The following PLXNA2 variants were observed in gnomAD, a reference collection of about 807,000 sequenced individuals.
PLXNA2 encodes the protein plexin A2, also known as plexin-A2.
A neutral mutation model predicts 193.5 loss-of-function variants in PLXNA2; 91 were observed. The ratio of observed to expected loss-of-function variants is 0.47; its 90% CI spans 0.40 to 0.56. PLXNA2 has a LOEUF of 0.56. Among genes scored for constraint, PLXNA2 ranks in the 20% least tolerant of loss-of-function variants. The pLI, the probability that PLXNA2 is intolerant of heterozygous loss-of-function variation, is 0.00. For synonymous variants in PLXNA2, 997 were observed against 1,027.3 expected (o/e 0.97, Z 0.56); for missense variants, 1,995 against 2,503.2 (o/e 0.80, Z 4.33).
chr1:208,203,422 A>G (rs1312070119), intron 3 of PLXNA2, among the ~76,000 whole-genome samples: 1 of 152,204 alleles, frequency 6.6e-6, no homozygotes. Flanking sequence ...CTCAGGTCCC[A>G]GGAGAGCCAC....
At chr1:208,165,675 T>C (rs1229403356) in intron 3 of PLXNA2, among the ~76,000 whole-genome samples, 1 of 152,182 alleles carries the variant, frequency 6.6e-6, no homozygotes, top group Non-Finnish European at 1.5e-5. Flanking sequence ...GGTCCAACCC[T>C]AAGCTGGTCT....
At chr1:208,158,208 TA>T (rs1294198562) in intron 3 of PLXNA2, among the ~76,000 whole-genome samples, 2 of 152,200 alleles carry the variant, frequency 1.3e-5, no homozygotes, top group African/African-American at 4.8e-5. Flanking sequence ...TGGTGGTCTC[TA>T]AACCTGTGTC....
chr1:208,084,223 G>A (rs1015508416), intron 10 of PLXNA2, among the ~76,000 whole-genome samples, 157 bp downstream of exon 10: 1 of 152,260 alleles, frequency 6.6e-6, no homozygotes, highest in Non-Finnish European at 1.5e-5. Flanking sequence ...CTCTGGCTGA[G>A]CGGCTGGGGT....
At chr1:208,139,318 C>T (rs910805577) in intron 4 of PLXNA2, among the ~76,000 whole-genome samples, 2 of 152,178 alleles carry the variant, frequency 1.3e-5, no homozygotes, top group Non-Finnish European at 1.5e-5. Context: ...AGGCCTAGAA[C>T]ACAGATCTCC....
chr1:208,057,539 C>T (rs1665470597), intron 13 of PLXNA2, among the ~76,000 whole-genome samples: 1 of 152,164 alleles, frequency 6.6e-6, no homozygotes, highest in Non-Finnish European at 1.5e-5. Flanking sequence ...TGTAGACAAC[C>T]ATAGGCAGTG....
intron 3 of PLXNA2, among the ~76,000 whole-genome samples, chr1:208,160,120 C>T (rs1207371069): frequency 6.6e-6 from 1 of 152,194 alleles, no homozygotes; most frequent in Non-Finnish European, 1.5e-5. Flanking sequence ...TGAAACCCAA[C>T]CCGTCTCTCC....
intron 9 of PLXNA2, among the ~76,000 whole-genome samples, chr1:208,091,557 G>T (rs182851010): frequency 1.3e-5 from 2 of 152,270 alleles, no homozygotes; most frequent in East Asian, 1.9e-4. Flanking sequence ...GTAGTCTAGC[G>T]CAAGAGGAAG....
At chr1:208,228,191 G>T (rs73082028) in intron 1 of PLXNA2, among the ~76,000 whole-genome samples, 3,315 of 152,182 alleles carry the variant, frequency 0.022, 117 homozygotes, top group African/African-American at 0.073. Flanking sequence ...GACCTTCCTT[G>T]TTACCTCCAG....
chr1:208,102,118 G>A (rs80301260), intron 5 of PLXNA2, among the ~76,000 whole-genome samples: 1,620 of 152,306 alleles, frequency 0.011, 34 homozygotes, highest in African/African-American at 0.036. Context: ...CCCAAGCAGG[G>A]AACCCAGTAT....
At chr1:208,122,165 G>A (rs915061155) in intron 4 of PLXNA2, among the ~76,000 whole-genome samples, 1 of 152,210 alleles carries the variant, frequency 6.6e-6, no homozygotes, top group African/African-American at 2.4e-5. Flanking sequence ...ATGAATGGAA[G>A]AGCCACACAG....
chr1:208,052,405 A>G lies in PLXNA2; in HGVS notation c.2915T>C (p.Val972Ala). 1.2e-6 allele frequency: 2 copies of G among 1,614,126 alleles called. No homozygotes were observed. The highest frequency in any genetic ancestry group is 1.7e-6 in the Non-Finnish European group (2 of 1,179,976). The change falls in exon 15 of 32, where the codon GTG becomes GCG. Residue 972 changes from valine (V) to alanine (A), a missense_variant. Coordinates refer to ENST00000367033, the MANE Select transcript of PLXNA2 (RefSeq NM_025179.4). The stretch of plus-strand genomic sequence containing the variant: ...CCCAAGGTAATGGCCGGTAATGGTC[A>G]CCATAGTGCCTCCTGACTCGGGACC... Reference protein sequence around the residue: ...IRGPESGGTMVTITGHYLGAG... With the variant: ...IRGPESGGTMATITGHYLGAG...
intron 3 of PLXNA2, among the ~76,000 whole-genome samples, chr1:208,176,540 C>T (rs538419687): frequency 6.6e-6 from 1 of 152,232 alleles, no homozygotes; most frequent in Middle Eastern, 3.4e-3. Context: ...AAGAAAAAGT[C>T]CCACAGTGAG....
chr1:208,135,997 C>T (rs1668290333), intron 4 of PLXNA2, among the ~76,000 whole-genome samples: 1 of 152,196 alleles, frequency 6.6e-6, no homozygotes, highest in South Asian at 2.1e-4. Flanking sequence ...AGAATTCTGA[C>T]TGTCTTGGGG....
intron 3 of PLXNA2, among the ~76,000 whole-genome samples, chr1:208,158,099 G>A (rs1668993784): frequency 6.6e-6 from 1 of 152,158 alleles, no homozygotes; most frequent in African/African-American, 2.4e-5. Context: ...AAGGAGGGAG[G>A]ACAGAAGCCT....
chr1:208,060,781 C>G lies in PLXNA2; in HGVS notation c.2643G>C (p.Val881=), dbSNP rs1665593121. 1 of 1,614,142 alleles carries G rather than the reference C, an allele frequency of 6.2e-7. No individual in the cohort carries two copies. Among genetic ancestry groups the G allele is most frequent in the African/African-American group, 1.3e-5 (1 of 75,054 alleles). The change falls in exon 13 of 32, where the codon GTG becomes GTC. Residue 881 remains valine, a synonymous_variant. Coordinates refer to ENST00000367033, the MANE Select transcript of PLXNA2 (RefSeq NM_025179.4). The stretch of plus-strand genomic sequence containing the variant: ...TCTCGGAGAAGTCCAGACCCAGGTT[C>G]ACGCCATGGATGGTCACTCGCGTCC... ...EGGTRVTIHG[V]NLGLDFSEIA...
At chr1:208,135,109 C>T (rs1668263560) in intron 4 of PLXNA2, among the ~76,000 whole-genome samples, 1 of 152,010 alleles carries the variant, frequency 6.6e-6, no homozygotes, top group Admixed American at 6.6e-5. Context: ...GTCCTTCCAT[C>T]TCTCCCCAGA....
At chr1:208,138,091 G>A (rs752395382) in intron 4 of PLXNA2, among the ~76,000 whole-genome samples, 13 of 152,196 alleles carry the variant, frequency 8.5e-5, no homozygotes, top group Non-Finnish European at 1.9e-4. Flanking sequence ...GACTTTTAGA[G>A]AACTTGAAAG....
chr1:208,092,760 G>A (rs1558187786), intron 9 of PLXNA2, 26 bp downstream of exon 9: 2 of 1,527,198 alleles, frequency 1.3e-6, no homozygotes, highest in Non-Finnish European at 1.8e-6. Context: ...TGGGAACACT[G>A]CCATGTTAGG....
chr1:208,239,372 T>C lies in PLXNA2; in HGVS notation c.-81+4271A>G, dbSNP rs900458913. Among the ~76,000 whole-genome samples the C allele has an allele frequency of 2.0e-5, 3 of 152,208 alleles. 1 individual carries two copies. The highest frequency in any genetic ancestry group is 6.4e-3 in the Middle Eastern group (2 of 314). ...CTCTGTCCACCCCCATTCACACTGT[T>C]AATCTCTCTGTCTTTATCTTCCCTT... On this transcript the variant is annotated intron_variant, in intron 1 of 31. Coordinates refer to ENST00000367033, the MANE Select transcript of PLXNA2 (RefSeq NM_025179.4).
Sources: gnomAD v4.1 joint callset for allele counts (sites outside exome capture counted in the v4.1 genomes callset) on GRCh38, gnomAD v4.1.1 for gene constraint, MANE v1.5 for transcripts, NCBI Gene and HGNC (gene_info 2026-07-23, HGNC 2026-07-21) for gene names.